VEGFD: variants seen among roughly 807,000 people sequenced by gnomAD.
VEGFD encodes c-fos induced growth factor (vascular endothelial growth factor D).
Under a neutral mutation model 28.0 loss-of-function variants are expected in VEGFD, and 26 were observed. That is an observed-to-expected ratio of 0.93 (90% confidence interval 0.68 to 1.29). The LOEUF (loss-of-function observed/expected upper bound fraction) is 1.29, where lower values mean the gene tolerates loss of function less well. Ranked by LOEUF, VEGFD falls within the 50% of genes most tolerant of loss-of-function variation. The probability of loss-of-function intolerance (pLI) is 0.00; values close to 1 mark genes in which losing one functional copy is unlikely to be tolerated. For synonymous variants in VEGFD, 93 were observed against 95.5 expected (o/e 0.97, Z 0.15); for missense variants, 294 against 273.4 (o/e 1.08, Z -0.53).
chrX:15,354,187 G>A (rs972074638), intron 4 of VEGFD, among the ~76,000 whole-genome samples: 58 of 109,620 alleles, frequency 5.3e-4, no homozygotes, highest in African/African-American at 1.8e-3. Flanking sequence ...TAGCCAGGAT[G>A]GTCTCAATCT....
chrX:15,357,978 G>A (rs779589294), intron 3 of VEGFD, 25 bp downstream of exon 3: 34 of 1,184,336 alleles, frequency 2.9e-5, no homozygotes, highest in Non-Finnish European at 3.5e-5. Context: ...CTTTAGAGAC[G>A]GCAGGCTTGC....
intron 1 of VEGFD, among the ~76,000 whole-genome samples, chrX:15,377,256 C>T (rs1310802757): frequency 8.9e-6 from 1 of 111,883 alleles, no homozygotes; most frequent in Non-Finnish European, 1.9e-5. Flanking sequence ...CTTTCCTTTT[C>T]CCAGGGAGAA....
intron 1 of VEGFD, among the ~76,000 whole-genome samples, chrX:15,382,197 A>C (rs1378750266): frequency 1.8e-5 from 2 of 110,466 alleles, no homozygotes; most frequent in Non-Finnish European, 3.8e-5. Flanking sequence ...GCACGTGCCT[A>C]TAATTCCAGC....
At chrX:15,379,093 T>G (rs764740054) in intron 1 of VEGFD, among the ~76,000 whole-genome samples, 1 of 111,881 alleles carries the variant, frequency 8.9e-6, no homozygotes, top group East Asian at 2.8e-4. Flanking sequence ...CAGAAAGGTC[T>G]CCTCTGATTT....
At chrX:15,350,811 TTCTCTC>T (rs1270964302) in intron 5 of VEGFD, among the ~76,000 whole-genome samples, 3 of 101,110 alleles carry the variant, frequency 3.0e-5, no homozygotes, top group East Asian at 3.0e-4. Flanking sequence ...CTTTCTTTCT[TTCTCTC>T]TCTCTCTCTT....
chrX:15,351,873 A>T (rs973062123), intron 5 of VEGFD, among the ~76,000 whole-genome samples: 6 of 112,749 alleles, frequency 5.3e-5, no homozygotes, highest in African/African-American at 1.9e-4. Context: ...TTATCTTTTT[A>T]ATGTAAAATG....
chrX:15,367,591 T>G (rs1369646075), intron 1 of VEGFD, among the ~76,000 whole-genome samples: 1 of 111,754 alleles, frequency 8.9e-6, no homozygotes, highest in Non-Finnish European at 1.9e-5. Flanking sequence ...CAAGCAGCTT[T>G]TTAAAGATTT....
chrX:15,356,022 T>C (rs1922858689), intron 3 of VEGFD, among the ~76,000 whole-genome samples: 2 of 112,520 alleles, frequency 1.8e-5, no homozygotes, highest in South Asian at 7.3e-4. Context: ...AGCTGACTGA[T>C]ACAAGATCAT....
intron 2 of VEGFD, among the ~76,000 whole-genome samples, 188 bp from the exon 3 acceptor site, chrX:15,358,381 G>C (rs1922920239): frequency 9.0e-6 from 1 of 111,541 alleles, no homozygotes; most frequent in Admixed American, 9.6e-5. Flanking sequence ...CAATCTCTGT[G>C]CTCTTTCCCA....
intron 3 of VEGFD, among the ~76,000 whole-genome samples, 169 bp downstream of exon 3, chrX:15,357,834 T>C (rs1482144876): frequency 8.9e-6 from 1 of 112,174 alleles, no homozygotes; most frequent in Non-Finnish European, 1.9e-5. Flanking sequence ...GAGCCTCAGT[T>C]TCCTCATCTA....
chrX:15,365,549 C>A (rs1335778698), intron 1 of VEGFD, among the ~76,000 whole-genome samples: 1 of 112,167 alleles, frequency 8.9e-6, no homozygotes, highest in Admixed American at 9.4e-5. Context: ...CATGTCCATT[C>A]ATTTACTTAT....
At chrX:15,350,508 T>A (rs1297166103) in intron 5 of VEGFD, among the ~76,000 whole-genome samples, 1 of 112,325 alleles carries the variant, frequency 8.9e-6, no homozygotes, top group South Asian at 3.6e-4. Flanking sequence ...CCCGCAGGGG[T>A]TCCCAGCTTC....
intron 4 of VEGFD, among the ~76,000 whole-genome samples, chrX:15,353,996 T>G (rs1329746790): frequency 1.9e-5 from 2 of 108,089 alleles, no homozygotes; most frequent in African/African-American, 3.4e-5. Context: ...TTTGACGGAG[T>G]CTCCCTCTGT....
intron 1 of VEGFD, among the ~76,000 whole-genome samples, chrX:15,364,705 A>G (rs576513080): frequency 3.6e-5 from 4 of 111,798 alleles, no homozygotes; most frequent in African/African-American, 1.3e-4. Context: ...GGGAGGAGGC[A>G]AAGGACCAGT....
intron 5 of VEGFD, 169 bp from the exon 6 acceptor site, chrX:15,347,528 A>T: frequency 2.9e-6 from 1 of 344,247 alleles, no homozygotes. Flanking sequence ...TTAACCTCTG[A>T]TTTCACAATA....
chrX:15,366,571 T>C (rs903934722), intron 1 of VEGFD, among the ~76,000 whole-genome samples: 8 of 111,928 alleles, frequency 7.1e-5, no homozygotes, highest in African/African-American at 2.6e-4. Context: ...TTTATGGTTG[T>C]ACCCCATAAT....
chrX:15,366,643 C>T (rs1923154259), intron 1 of VEGFD, among the ~76,000 whole-genome samples: 1 of 111,937 alleles, frequency 8.9e-6, no homozygotes, highest in Admixed American at 9.5e-5. Context: ...GCTCAGCTCA[C>T]GTCCTAGTTG....
intron 1 of VEGFD, among the ~76,000 whole-genome samples, chrX:15,368,078 G>GA (rs1923214723): frequency 1.1e-5 from 1 of 93,596 alleles, no homozygotes; most frequent in Non-Finnish European, 2.2e-5. Flanking sequence ...AAGAAAGAAA[G>GA]AAAGAAAAGA....
At chrX:15,376,261 T>A (rs1316069965) in intron 1 of VEGFD, among the ~76,000 whole-genome samples, 1 of 111,866 alleles carries the variant, frequency 8.9e-6, no homozygotes, top group African/African-American at 3.3e-5. Context: ...ATTGCACGTT[T>A]TTCTATTTCC....
Sources: allele counts gnomAD v4.1 joint callset (sites outside exome capture counted in the v4.1 genomes callset), GRCh38; gene constraint gnomAD v4.1.1; transcripts MANE v1.5; gene names NCBI Gene and HGNC (gene_info 2026-07-23, HGNC 2026-07-21).